OTUD7A: variants seen among roughly 807,000 people sequenced by gnomAD.
OTUD7A encodes the protein OTU deubiquitinase 7A.
OTUD7A carries 12 observed loss-of-function variants against 65.7 expected under a neutral mutation model. That is an observed-to-expected ratio of 0.18 (90% confidence interval 0.12 to 0.30). The LOEUF (loss-of-function observed/expected upper bound fraction) is 0.30, where lower values mean the gene tolerates loss of function less well. OTUD7A is among the 10% of genes least tolerant of loss of function. OTUD7A has a pLI of 1.00. For synonymous variants in OTUD7A, 641 were observed against 586.3 expected (o/e 1.09, Z -1.35); for missense variants, 1,148 against 1,304.8 (o/e 0.88, Z 1.85).
chr15:31,488,044 C>T (rs554437375), intron 10 of OTUD7A, among the ~76,000 whole-genome samples: 119 of 152,284 alleles, frequency 7.8e-4, no homozygotes, highest in African/African-American at 2.8e-3. Context: ...TGTATCAGTG[C>T]CTGGGACCCA....
At chr15:31,724,081 T>C (rs1397037002) in intron 1 of OTUD7A, among the ~76,000 whole-genome samples, 1 of 151,024 alleles carries the variant, frequency 6.6e-6, no homozygotes, top group Non-Finnish European at 1.5e-5. Context: ...TATTTCTTCT[T>C]TGGTGAACTG....
chr15:31,679,733 T>C (rs1286935756), intron 1 of OTUD7A, among the ~76,000 whole-genome samples: 1 of 152,200 alleles, frequency 6.6e-6, no homozygotes, highest in Non-Finnish European at 1.5e-5. Context: ...CTCTTTCCTT[T>C]ATAAATTACC....
At chr15:31,790,190 C>CTCCTACATGGCG (rs1328484537) in intron 1 of OTUD7A, among the ~76,000 whole-genome samples, 1 of 152,192 alleles carries the variant, frequency 6.6e-6, no homozygotes. Context: ...GACATCATGG[C>CTCCTACATGGCG]TCCTACATGG....
intron 5 of OTUD7A, among the ~76,000 whole-genome samples, chr15:31,538,918 T>C (rs1033385047): frequency 6.6e-6 from 1 of 152,226 alleles, no homozygotes; most frequent in South Asian, 2.1e-4. Context: ...TTTTTCATTA[T>C]ATCACATGAA....
At chr15:31,634,600 T>C (rs1326602335) in intron 3 of OTUD7A, among the ~76,000 whole-genome samples, 1 of 152,206 alleles carries the variant, frequency 6.6e-6, no homozygotes, top group Non-Finnish European at 1.5e-5. Flanking sequence ...TCCCTCCTTA[T>C]CCCTCAAGGC....
intron 1 of OTUD7A, among the ~76,000 whole-genome samples, chr15:31,740,107 C>T (rs1894299772): frequency 6.6e-6 from 1 of 152,182 alleles, no homozygotes; most frequent in African/African-American, 2.4e-5. Context: ...AGTGTGAGGA[C>T]ATGAGTGGGG....
Position 31,813,471 on chromosome 15 carries a change from G to A in OTUD7A, c.-100+57036C>T, listed in dbSNP as rs549584896. The stretch of plus-strand genomic sequence containing the variant: ...CCAAGATTCAGCAAATGCCACATTC[G>A]TGTCTTACCCTCCCCATAAACACTG... On this transcript the variant is annotated intron_variant, in intron 1 of 12. Transcript: ENST00000307050. Among the ~76,000 whole-genome samples the A allele has an allele frequency of 3.5e-4, 53 of 152,300 alleles. No homozygotes were observed. In the South Asian group the frequency reaches 3.5e-3, roughly 10 times the overall value.
chr15:31,652,068 C>T (rs1446986170), intron 3 of OTUD7A, among the ~76,000 whole-genome samples: 2 of 150,598 alleles, frequency 1.3e-5, no homozygotes, highest in Admixed American at 6.6e-5. Flanking sequence ...AAAAATCACA[C>T]TATCTGATTT....
At chr15:31,812,342 C>T (rs925935549) in intron 1 of OTUD7A, among the ~76,000 whole-genome samples, 10 of 152,160 alleles carry the variant, frequency 6.6e-5, no homozygotes, top group South Asian at 2.1e-4. Flanking sequence ...CCTTCAGCTA[C>T]GCCTTCCAAG....
At chr15:31,747,050 T>C (rs904940042) in intron 1 of OTUD7A, among the ~76,000 whole-genome samples, 2 of 152,202 alleles carry the variant, frequency 1.3e-5, no homozygotes, top group African/African-American at 4.8e-5. Context: ...TGTTGAACTA[T>C]ACTTGGTTGA....
chr15:31,627,899 G>C (rs1440516326), intron 3 of OTUD7A, among the ~76,000 whole-genome samples: 2 of 152,200 alleles, frequency 1.3e-5, no homozygotes, highest in East Asian at 1.9e-4. Context: ...CTTTTGAGAA[G>C]TGTCTGTTCA....
At chr15:31,523,432 G>A (rs1448415076) in intron 8 of OTUD7A, among the ~76,000 whole-genome samples, 1 of 152,218 alleles carries the variant, frequency 6.6e-6, no homozygotes, top group East Asian at 1.9e-4. Context: ...GAGGGGCTGT[G>A]TCCTTAGGTC....
intron 1 of OTUD7A, among the ~76,000 whole-genome samples, chr15:31,738,202 T>A (rs1894244461): frequency 6.6e-6 from 1 of 150,746 alleles, no homozygotes. Context: ...AACTTGGGCA[T>A]GGGGGGATGG....
chr15:31,740,629 G>GGA (rs1555412595), intron 1 of OTUD7A, among the ~76,000 whole-genome samples: 1 of 151,336 alleles, frequency 6.6e-6, no homozygotes, highest in African/African-American at 2.4e-5. Flanking sequence ...GTGAGAGGGG[G>GGA]AAAAAAAACA....
intron 1 of OTUD7A, among the ~76,000 whole-genome samples, chr15:31,764,949 C>G (rs1895060194): frequency 6.6e-6 from 1 of 152,022 alleles, no homozygotes; most frequent in Non-Finnish European, 1.5e-5. Flanking sequence ...GTGTATCTCC[C>G]TTGATTAAAA....
chr15:31,642,934 T>TC (rs1385645918), intron 3 of OTUD7A, among the ~76,000 whole-genome samples: 1 of 152,016 alleles, frequency 6.6e-6, no homozygotes, highest in Non-Finnish European at 1.5e-5. Flanking sequence ...TTTAATTTGC[T>TC]CTTTTTTTTT....
intron 1 of OTUD7A, among the ~76,000 whole-genome samples, chr15:31,783,549 C>T (rs572581850): frequency 5.3e-5 from 8 of 152,226 alleles, no homozygotes; most frequent in South Asian, 4.2e-4. Flanking sequence ...AAACAGAAAC[C>T]GAAAACAGTT....
At chr15:31,827,716 G>A (rs749000455) in intron 1 of OTUD7A, among the ~76,000 whole-genome samples, 6 of 152,024 alleles carry the variant, frequency 3.9e-5, no homozygotes, top group Admixed American at 2.0e-4. Context: ...CACTTGAGGC[G>A]AGGAGTTTGG....
chr15:31,835,212 G>C (rs997340929), intron 1 of OTUD7A, among the ~76,000 whole-genome samples: 1 of 152,180 alleles, frequency 6.6e-6, no homozygotes, highest in African/African-American at 2.4e-5. Context: ...AGAAAAGCTA[G>C]GTTTACCAGA....
Sources: allele counts gnomAD v4.1 joint callset (sites outside exome capture counted in the v4.1 genomes callset), GRCh38; gene constraint gnomAD v4.1.1; transcripts MANE v1.5; gene names NCBI Gene and HGNC (gene_info 2026-07-23, HGNC 2026-07-21).